ABR: variants seen among roughly 807,000 people sequenced by gnomAD.
ABR encodes active breakpoint cluster region-related protein.
ABR carries 35 observed loss-of-function variants against 107.2 expected under a neutral mutation model. The ratio of observed to expected loss-of-function variants is 0.33; its 90% CI spans 0.25 to 0.43. The LOEUF is 0.43. Ranked by LOEUF, ABR falls within the 20% of genes least tolerant of loss-of-function variation. The pLI, the probability that ABR is intolerant of heterozygous loss-of-function variation, is 1.00. For missense variants in ABR, 815 were observed against 1,115.2 expected, an observed-to-expected ratio of 0.73 and a Z score of 3.83; for synonymous variants, 498 against 462.0, an observed-to-expected ratio of 1.08 and a Z score of -1.00.
At position 1,010,669 on chromosome 17, in the gene ABR, G is replaced by C. The variant is rs193013357; in HGVS notation, c.2236+60C>G. ...TATTTCTCCTGCTGGTTACTTCTCCGGGCAGGGAGTCCTGGCTCAGTCTGG... is the reference window on the plus strand; with the variant it reads ...TATTTCTCCTGCTGGTTACTTCTCCCGGCAGGGAGTCCTGGCTCAGTCTGG... On this transcript the variant is annotated intron_variant, in intron 20 of 22. Coordinates refer to ENST00000302538, the MANE Select transcript of ABR (RefSeq NM_021962.5). The surrounding 1 kb of genome is among the most constrained non-coding windows in gnomAD (Gnocchi z 4.1). The C allele has an allele frequency of 2.5e-6, 4 of 1,587,840 alleles. No homozygotes were observed. The highest frequency in any genetic ancestry group is 4.5e-5 in the East Asian group (2 of 44,422).
At chr17:1,128,224 G>A (rs1397700023) in intron 1 of ABR, among the ~76,000 whole-genome samples, 1 of 152,250 alleles carries the variant, frequency 6.6e-6, no homozygotes, top group Non-Finnish European at 1.5e-5. Context: ...GTACAGAAAA[G>A]ATGGGGAAAC....
chr17:1,012,966 G>A (rs2070756671), intron 17 of ABR, 139 bp downstream of exon 17: 1 of 1,138,950 alleles, frequency 8.8e-7, no homozygotes, highest in Non-Finnish European at 1.3e-6. Context: ...GTGGGCAGGA[G>A]GGGAGAGGGG....
chr17:1,109,646 C>A (rs1409610130), intron 2 of ABR, among the ~76,000 whole-genome samples: 2 of 152,134 alleles, frequency 1.3e-5, no homozygotes, highest in East Asian at 3.9e-4. Context: ...CCCAGAGCCA[C>A]CCCGGAGTCC....
At position 1,147,508 on chromosome 17, in the gene ABR, C is replaced by T. The variant is rs377127310; in HGVS notation, c.62-22141G>A. On this transcript the variant is annotated intron_variant, in intron 1 of 22. Coordinates refer to ENST00000302538, the MANE Select transcript of ABR (RefSeq NM_021962.5). ...CCTGAGTAGCTGGGATTACAGTCAC[C>T]CACTACCACACTCAGCTAATTTTTA... Among the ~76,000 whole-genome samples, 28 of 152,128 alleles carry T rather than the reference C, an allele frequency of 1.8e-4. No homozygotes were observed. The East Asian group carries it at 4.6e-3, about 25-fold the overall frequency.
At chr17:1,034,863 T>C (rs566883160) in intron 16 of ABR, among the ~76,000 whole-genome samples, 1 of 151,758 alleles carries the variant, frequency 6.6e-6, no homozygotes, top group South Asian at 2.1e-4. Context: ...TGCCGCCGGG[T>C]GTGGGGGAGA....
chr17:1,041,808 G>A (rs547512554), intron 16 of ABR, among the ~76,000 whole-genome samples: 8 of 152,286 alleles, frequency 5.3e-5, no homozygotes, highest in South Asian at 2.1e-4. Flanking sequence ...GGTTGTTCCC[G>A]CGGCCTCAGG....
Position 1,003,621 on chromosome 17 carries a change from T to C in ABR, c.*2459A>G, listed in dbSNP as rs2069815641. 1 of 152,486 alleles carries C rather than the reference T, an allele frequency of 6.6e-6. No homozygotes were observed. The highest frequency in any genetic ancestry group is 2.1e-4 in the South Asian group (1 of 4,834). The allele number at this position is 152,486 out of a possible 1,614,324, so 9.4% of individuals were successfully genotyped here. A position where few individuals can be genotyped will look rare whatever the true frequency, so the allele number is the denominator to read the frequency against. On this transcript the variant is annotated 3_prime_UTR_variant, in exon 23 of 23. Transcript: ENST00000302538. Reference sequence around the variant, plus strand: ...AATCTACATAAGTTGAAACAGAACATAGACAAAAAAATATATCCTTACCAA... The same window carrying C: ...AATCTACATAAGTTGAAACAGAACACAGACAAAAAAATATATCCTTACCAA...
intron 3 of ABR, among the ~76,000 whole-genome samples, chr17:1,100,319 C>T (rs976579180): frequency 2.6e-5 from 4 of 152,192 alleles, no homozygotes. Context: ...GCTCGGCCCC[C>T]GCCCAGGCAG....
chr17:1,026,398 C>T (rs775317099), intron 16 of ABR, among the ~76,000 whole-genome samples: 6 of 152,366 alleles, frequency 3.9e-5, no homozygotes, highest in East Asian at 1.9e-4. Context: ...GTGGATGTCA[C>T]GGCTCTGGCT....
chr17:1,060,095 G>C (rs1252716364), intron 10 of ABR, among the ~76,000 whole-genome samples: 2 of 152,204 alleles, frequency 1.3e-5, no homozygotes, highest in Non-Finnish European at 2.9e-5. Flanking sequence ...CCAAGCGACA[G>C]AGCAGGAGGC....
chr17:1,016,851 T>C lies in ABR; in HGVS notation c.1792-3687A>G, dbSNP rs995979382. 3.9e-5 allele frequency among the ~76,000 whole-genome samples: 6 copies of C among 152,094 alleles called. 1 individual carries two copies. Among genetic ancestry groups the C allele is most frequent in the African/African-American group, 9.7e-5 (4 of 41,352 alleles). On this transcript the variant is annotated intron_variant, in intron 16 of 22. Coordinates refer to ENST00000302538, the MANE Select transcript of ABR (RefSeq NM_021962.5). ...GCCCTCAGAACGTCTCTGTGCACTC[T>C]GAGGTGTGCGTGCCACGGTTTGAAC...
In ABR at chr17:1,059,214, A is replaced by G. The variant is rs56103639; in HGVS notation, c.1183-347T>C. 2.5e-3 allele frequency among the ~76,000 whole-genome samples: 381 copies of G among 152,264 alleles called. 5 individuals carry two copies. Among genetic ancestry groups the G allele is most frequent in the African/African-American group, 8.8e-3 (367 of 41,568 alleles). The stretch of plus-strand genomic sequence containing the variant: ...ACCCAGGGCCAGGGACCAGGTCACC[A>G]GAGACCACTCCTCTAGCCCAGGGCT... On this transcript the variant is annotated intron_variant, in intron 10 of 22. Coordinates refer to ENST00000302538, the MANE Select transcript of ABR (RefSeq NM_021962.5).
At chr17:1,112,926 G>T (rs909086352) in intron 2 of ABR, among the ~76,000 whole-genome samples, 3 of 106,890 alleles carry the variant, frequency 2.8e-5, no homozygotes, top group Non-Finnish European at 3.9e-5. Flanking sequence ...ATTTGTTAAC[G>T]CCTGACCCAA....
At chr17:1,132,567 C>T (rs140296198) in intron 1 of ABR, among the ~76,000 whole-genome samples, 14 of 151,850 alleles carry the variant, frequency 9.2e-5, no homozygotes, top group East Asian at 5.9e-4. Flanking sequence ...TTAGTAAAGA[C>T]GGGGTTTCAC....
intron 16 of ABR, among the ~76,000 whole-genome samples, chr17:1,035,266 A>G (rs549642574): frequency 6.6e-6 from 1 of 151,288 alleles, no homozygotes; most frequent in Non-Finnish European, 1.5e-5. Flanking sequence ...TGCTGGGTTC[A>G]GCTCAGGCTA....
chr17:1,059,798 G>A (rs1464710009), intron 10 of ABR, among the ~76,000 whole-genome samples: 1 of 152,194 alleles, frequency 6.6e-6, no homozygotes, highest in Non-Finnish European at 1.5e-5. Context: ...ATGGTGTTTT[G>A]TTCTTTTTAA....
At chr17:1,058,683 C>G (rs533319692) in intron 11 of ABR, 62 bp downstream of exon 11, 18 of 1,583,748 alleles carry the variant, frequency 1.1e-5, no homozygotes, top group Admixed American at 1.7e-5. Context: ...CCAGGAGCCA[C>G]AGAGTGGGCT....
intron 1 of ABR, among the ~76,000 whole-genome samples, chr17:1,197,128 G>C (rs986188409): frequency 2.6e-5 from 4 of 151,600 alleles, no homozygotes; most frequent in African/African-American, 7.3e-5. Context: ...GATCTCGGGG[G>C]CATCTCTTTC....
chr17:1,179,601 G>T lies in ABR; in HGVS notation c.61+66C>A. ...TTGGGGTCCCGATCCCGATCCTGGG[G>T]TCCCGATCTCCATCCTGGGGTCCCG... On this transcript the variant is annotated intron_variant, in intron 1 of 22. Coordinates refer to ENST00000302538, the MANE Select transcript of ABR (RefSeq NM_021962.5). This position sits in a 1 kb window ranked among gnomAD's most constrained non-coding sequence, Gnocchi z 4.9. 1 of 1,409,312 alleles carries T rather than the reference G, an allele frequency of 7.1e-7. No homozygotes were observed. 87.3% of individuals were successfully genotyped at this position (1,409,312 alleles called of 1,614,324 possible).
Sources: allele counts gnomAD v4.1 joint callset (sites outside exome capture counted in the v4.1 genomes callset), GRCh38; gene constraint gnomAD v4.1.1; non-coding constraint Gnocchi (gnomAD v3.1); transcripts MANE v1.5; gene names NCBI Gene and HGNC (gene_info 2026-07-23, HGNC 2026-07-21).